The following IFRD1 variants were observed in gnomAD, a reference collection of about 807,000 sequenced individuals.
IFRD1 encodes interferon related developmental regulator 1, also known as interferon-related developmental regulator 1.
IFRD1 carries 35 observed loss-of-function variants against 52.9 expected under a neutral mutation model. The observed-to-expected ratio is 0.66, with a 90% CI of 0.51 to 0.88. The LOEUF (loss-of-function observed/expected upper bound fraction) is 0.88, where lower values mean the gene tolerates loss of function less well. Ranked by LOEUF, IFRD1 falls within the 40% of genes least tolerant of loss-of-function variation. The probability of loss-of-function intolerance (pLI) is 0.00; values close to 1 mark genes in which losing one functional copy is unlikely to be tolerated. For synonymous variants in IFRD1, 184 were observed against 188.4 expected (o/e 0.98, Z 0.19); for missense variants, 517 against 550.8 (o/e 0.94, Z 0.61).
At chr7:112,432,525 C>A (rs983133654) in intron 1 of IFRD1, among the ~76,000 whole-genome samples, 2 of 152,220 alleles carry the variant, frequency 1.3e-5, no homozygotes, top group African/African-American at 2.4e-5. Context: ...AAGCACCAAT[C>A]TTTTACAACT....
chr7:112,472,815 T>C lies in IFRD1; in HGVS notation c.1220T>C (p.Leu407Pro). The C allele has an allele frequency of 6.2e-7, 1 of 1,613,842 alleles. No homozygotes were observed. The highest frequency in any genetic ancestry group is 8.5e-7 in the Non-Finnish European group (1 of 1,179,684). Reference protein sequence around the residue: ...NVFELGPPVMLDAATLKTMKI... With the variant: ...NVFELGPPVMPDAATLKTMKI... ...TTTGAACTTGGACCCCCAGTGATGC[T>C]TGATGCTGCAACGCTTAAAACGATG... Residue 407 changes from leucine (L) to proline (P), a missense_variant, in exon 11 of 12, where the codon CTT (leucine) becomes CCT (proline). Leu to Pro is a moderately conservative substitution (Grantham distance 98, BLOSUM62 -3). Transcript: ENST00000403825.
At chr7:112,435,322 C>CAA (rs760242823) in intron 1 of IFRD1, 8 of 152,182 alleles carry the variant, frequency 5.3e-5, no homozygotes, top group Non-Finnish European at 1.0e-4. Context: ...CTTATTCTCA[C>CAA]AGACAGTGAA....
At chr7:112,438,689 C>T (rs538014359) in intron 1 of IFRD1, among the ~76,000 whole-genome samples, 2 of 152,226 alleles carry the variant, frequency 1.3e-5, no homozygotes, top group South Asian at 4.1e-4. Context: ...AAAGACGAGG[C>T]TGTGGAAATC....
At chr7:112,465,121 A>G (rs1795574817) in intron 8 of IFRD1, among the ~76,000 whole-genome samples, 1 of 152,154 alleles carries the variant, frequency 6.6e-6, no homozygotes, top group Admixed American at 6.5e-5. Flanking sequence ...CTGCAGCCTC[A>G]GAGTTCTGGC....
chr7:112,424,246 C>A (rs1794380917), intron 1 of IFRD1, among the ~76,000 whole-genome samples: 1 of 152,012 alleles, frequency 6.6e-6, no homozygotes, highest in Admixed American at 6.6e-5. Flanking sequence ...TCTGGGGATA[C>A]TCTCCAGGTG....
intron 3 of IFRD1, among the ~76,000 whole-genome samples, chr7:112,456,527 A>G (rs1014537331): frequency 2.0e-5 from 3 of 152,176 alleles, no homozygotes; most frequent in Non-Finnish European, 4.4e-5. Flanking sequence ...ACTGACCTTA[A>G]TAGAATTAAA....
intron 8 of IFRD1, chr7:112,467,656 G>T: frequency 1.2e-5 from 4 of 344,088 alleles, no homozygotes; most frequent in South Asian, 1.0e-4. Flanking sequence ...AGCTATATTG[G>T]TATATCTGTC....
In IFRD1 at chr7:112,461,863, T is replaced by C; in HGVS notation, c.568-3T>C. ...GTCTATATATATATATTTTTTTTTT[T>C]AGTGTGCAACTTGCTTTGGTGTTTG... On this transcript the variant is annotated splice_region_variant and splice_polypyrimidine_tract_variant and intron_variant, in intron 5 of 11. Transcript: ENST00000403825. 6.7e-7 allele frequency: 1 copy of C among 1,502,416 alleles called. No homozygotes were observed. The highest frequency in any genetic ancestry group is 9.2e-7 in the Non-Finnish European group (1 of 1,086,700). The allele number at this position is 1,502,416 out of a possible 1,614,324, so 93.1% of individuals were successfully genotyped here. A position where few individuals can be genotyped will look rare whatever the true frequency, so the allele number is the denominator to read the frequency against.
chr7:112,457,205 C>A, intron 4 of IFRD1, 167 bp downstream of exon 4: 1 of 723,894 alleles, frequency 1.4e-6, no homozygotes, highest in Non-Finnish European at 2.3e-6. Context: ...CTTGTTAGAA[C>A]TTTGTTTTTG....
intron 8 of IFRD1, among the ~76,000 whole-genome samples, chr7:112,462,982 C>T (rs1042195596): frequency 1.3e-5 from 2 of 152,146 alleles, no homozygotes; most frequent in South Asian, 2.1e-4. Flanking sequence ...TGGTTTAGCA[C>T]TTACCATCTT....
At chr7:112,440,449 TA>T (rs1203300018) in intron 1 of IFRD1, among the ~76,000 whole-genome samples, 2 of 152,248 alleles carry the variant, frequency 1.3e-5, no homozygotes, top group Non-Finnish European at 2.9e-5. Context: ...CTATTTTAAA[TA>T]AATATTTAAA....
chr7:112,426,770 C>T (rs1380420282), intron 1 of IFRD1, among the ~76,000 whole-genome samples: 1 of 152,158 alleles, frequency 6.6e-6, no homozygotes, highest in African/African-American at 2.4e-5. Context: ...AGCCTGCTAC[C>T]TGGAGGCATC....
intron 3 of IFRD1, 87 bp from the exon 4 acceptor site, chr7:112,456,826 TA>T: frequency 7.9e-7 from 1 of 1,257,874 alleles, no homozygotes; most frequent in Non-Finnish European, 1.1e-6. Context: ...TATACATAGG[TA>T]AAGTTTAGAA....
chr7:112,451,905 A>C (rs2117282235), intron 1 of IFRD1, among the ~76,000 whole-genome samples: 1 of 152,314 alleles, frequency 6.6e-6, no homozygotes, highest in Non-Finnish European at 1.5e-5. Flanking sequence ...TTCACAAGAA[A>C]AGTAAATATG....
chr7:112,446,298 C>A, upstream of IFRD1: 1 of 224,150 alleles, frequency 4.5e-6, no homozygotes, highest in South Asian at 6.9e-5. Flanking sequence ...TTTTGCCATT[C>A]TCATCCACCT....
Position 112,476,521 on chromosome 7 carries a change from G to T in IFRD1, c.*1002G>T, listed in dbSNP as rs565101323. 3 of 152,242 alleles carry T rather than the reference G, an allele frequency of 2.0e-5. No individual in the cohort carries two copies. The East Asian group carries it at 5.8e-4, about 29-fold the overall frequency. The allele number at this position is 152,242 out of a possible 1,614,324, so 9.4% of individuals were successfully genotyped here. ...AGAAATTTAAAAAATGAGTGTGGTG[G>T]TGTGTGCTTCTACTCTTTATCTACT... On this transcript the variant is annotated 3_prime_UTR_variant, in exon 12 of 12. Coordinates refer to ENST00000403825, the MANE Select transcript of IFRD1 (RefSeq NM_001550.4).
In IFRD1 at chr7:112,476,331, T is replaced by C. The variant is rs1795902541; in HGVS notation, c.*812T>C. 6.6e-6 allele frequency: 1 copy of C among 151,760 alleles called. No individual in the cohort carries two copies. The highest frequency in any genetic ancestry group is 2.4e-5 in the African/African-American group (1 of 41,414). 9.4% of individuals were successfully genotyped at this position (151,760 alleles called of 1,614,324 possible). On this transcript the variant is annotated 3_prime_UTR_variant, in exon 12 of 12. Transcript: ENST00000403825. ...AAAGTAGATGAAAAGAATGTAGCAA[T>C]ACATAATTGGGATTAAGGTTTCTGA...
At chr7:112,463,091 A>G (rs1485350326) in intron 8 of IFRD1, among the ~76,000 whole-genome samples, 3 of 152,208 alleles carry the variant, frequency 2.0e-5, no homozygotes, top group African/African-American at 7.2e-5. Flanking sequence ...GGAATGCCTC[A>G]AATCTTACCA....
chr7:112,432,198 C>CTGGGCATTGTAACTGTAAGTGGTACAGA (rs1460534728), intron 1 of IFRD1, among the ~76,000 whole-genome samples: 2 of 152,176 alleles, frequency 1.3e-5, no homozygotes, highest in African/African-American at 4.8e-5. Context: ...CTACTGTGTA[C>CTGGGCATTGTAACTGTAAGTGGTACAGA]TGGGCATTGT....
Sources: allele counts gnomAD v4.1 joint callset (sites outside exome capture counted in the v4.1 genomes callset), GRCh38; gene constraint gnomAD v4.1.1; transcripts MANE v1.5; gene names NCBI Gene and HGNC (gene_info 2026-07-23, HGNC 2026-07-21).